The following HERC4 variants were observed in gnomAD, a reference collection of about 807,000 sequenced individuals.
HERC4 encodes probable E3 ubiquitin-protein ligase HERC4.
Under a neutral mutation model 124.3 loss-of-function variants are expected in HERC4, and 28 were observed. That is an observed-to-expected ratio of 0.23 (90% CI 0.17 to 0.31). HERC4 has a LOEUF of 0.31. Ranked by LOEUF, HERC4 falls within the 10% of genes least tolerant of loss-of-function variation. The pLI, the probability that HERC4 is intolerant of heterozygous loss-of-function variation, is 1.00. For missense variants in HERC4, 713 were observed against 1,229.3 expected (o/e 0.58, Z 6.28); for synonymous variants, 407 against 421.5 (o/e 0.97, Z 0.42).
chr10:67,939,363 GT>G (rs1168624489), intron 21 of HERC4, among the ~76,000 whole-genome samples: 1 of 152,172 alleles, frequency 6.6e-6, no homozygotes, highest in Non-Finnish European at 1.5e-5. Flanking sequence ...TGTTTTCAGT[GT>G]TCTTCATCTG....
At chr10:67,983,799 A>AT (rs1390692763) in intron 15 of HERC4, among the ~76,000 whole-genome samples, 7 of 149,558 alleles carry the variant, frequency 4.7e-5, no homozygotes, top group Non-Finnish European at 8.9e-5. Context: ...AAAAAAAAAA[A>AT]AAAAAATACA....
chr10:67,932,399 A>G (rs1338931142), intron 23 of HERC4, among the ~76,000 whole-genome samples, 198 bp downstream of exon 23: 1 of 152,214 alleles, frequency 6.6e-6, no homozygotes, highest in South Asian at 2.1e-4. Context: ...TGAGTTTTCT[A>G]TATCAATACC....
intron 3 of HERC4, among the ~76,000 whole-genome samples, chr10:68,060,434 T>C (rs1456518170): frequency 6.6e-6 from 1 of 151,952 alleles, no homozygotes; most frequent in Non-Finnish European, 1.5e-5. Context: ...AGAGATGGAG[T>C]TTCACCATGT....
chr10:68,004,038 C>T (rs1366076416), intron 9 of HERC4, among the ~76,000 whole-genome samples: 3 of 152,116 alleles, frequency 2.0e-5, no homozygotes. Flanking sequence ...AGATAAAAGC[C>T]ATTTTAACCA....
chr10:67,953,263 T>C (rs1564951651), intron 19 of HERC4, among the ~76,000 whole-genome samples: 1 of 152,246 alleles, frequency 6.6e-6, no homozygotes, highest in Non-Finnish European at 1.5e-5. Context: ...TAAATGAGTA[T>C]TCACTTGGTG....
chr10:68,052,832 G>A (rs1044929609), intron 3 of HERC4, among the ~76,000 whole-genome samples: 1 of 152,026 alleles, frequency 6.6e-6, no homozygotes, highest in African/African-American at 2.4e-5. Context: ...TCTTCTCTTT[G>A]CCATTATGAA....
intron 21 of HERC4, among the ~76,000 whole-genome samples, chr10:67,936,750 T>A (rs535440360): frequency 6.6e-6 from 1 of 152,290 alleles, no homozygotes; most frequent in East Asian, 1.9e-4. Flanking sequence ...CTTCTGGAAT[T>A]TTTCTAAAAA....
intron 4 of HERC4, chr10:68,040,179 T>G: frequency 2.0e-6 from 2 of 982,434 alleles, no homozygotes; most frequent in Non-Finnish European, 2.4e-6. Flanking sequence ...TTTCTAAATT[T>G]GCATAGCAAT....
At chr10:67,927,389 TA>T (rs2031116038) in intron 23 of HERC4, among the ~76,000 whole-genome samples, 19 of 7,410 alleles carry the variant, frequency 2.6e-3, no homozygotes, top group Non-Finnish European at 3.4e-3. Context: ...CATATATATA[TA>T]TATATATATA....
chr10:68,045,355 A>C (rs1302842931), intron 3 of HERC4, among the ~76,000 whole-genome samples: 3 of 152,198 alleles, frequency 2.0e-5, no homozygotes, highest in African/African-American at 7.2e-5. Flanking sequence ...TAAGGAAATA[A>C]TCTGAATTAG....
intron 15 of HERC4, among the ~76,000 whole-genome samples, chr10:67,982,556 T>C (rs1209980471): frequency 2.0e-5 from 3 of 152,262 alleles, no homozygotes; most frequent in East Asian, 1.9e-4. Flanking sequence ...CTCCAGGACA[T>C]TGGTCTGGGC....
intron 9 of HERC4, chr10:67,996,103 C>T (rs1313957063): frequency 6.8e-6 from 3 of 441,548 alleles, no homozygotes; most frequent in South Asian, 1.6e-5. Flanking sequence ...CCCAGGAGTT[C>T]AAGACCAGCC....
intron 8 of HERC4, among the ~76,000 whole-genome samples, 174 bp from the exon 9 acceptor site, chr10:68,014,360 T>C (rs1242029290): frequency 6.6e-6 from 1 of 152,242 alleles, no homozygotes; most frequent in African/African-American, 2.4e-5. Context: ...ATCTATAGAA[T>C]GAATTCTGCA....
At chr10:68,035,069 T>C (rs554372291) in intron 5 of HERC4, among the ~76,000 whole-genome samples, 10 of 152,220 alleles carry the variant, frequency 6.6e-5, no homozygotes, top group African/African-American at 2.4e-4. Context: ...TTTTTTTAAG[T>C]TGAAACAACA....
intron 4 of HERC4, chr10:68,038,419 C>T (rs551202420): frequency 3.2e-6 from 1 of 317,414 alleles, no homozygotes; most frequent in East Asian, 5.6e-5. Flanking sequence ...GCAAAGTGAG[C>T]TATACTCATA....
rs570121388 is a variant in HERC4 at position 68,059,519 on chromosome 10, CATAATA to C, written c.226+13358_226+13363del. 2.3e-4 allele frequency among the ~76,000 whole-genome samples: 17 copies of C among 72,914 alleles called. 1 individual carries two copies. The highest frequency in any genetic ancestry group is 9.8e-4 in the East Asian group (2 of 2,036). 47.8% of individuals were successfully genotyped at this position (72,914 alleles called of 152,430 possible). ...CATTATATATTATAATATTATATATCATAATAATATTATATATCATATTATATATCA... is the reference window on the plus strand; with the variant it reads ...CATTATATATTATAATATTATATATCATATTATATATCATATTATATATCA... On this transcript the variant is annotated intron_variant, in intron 3 of 24. Transcript: ENST00000373700.
intron 19 of HERC4, among the ~76,000 whole-genome samples, chr10:67,951,646 T>C (rs1227789898): frequency 6.6e-6 from 1 of 152,196 alleles, no homozygotes; most frequent in Non-Finnish European, 1.5e-5. Flanking sequence ...ATGGTGTCAC[T>C]TTTCAATCCT....
chr10:67,955,200 C>A, intron 17 of HERC4, 70 bp from the exon 18 acceptor site: 1 of 1,339,820 alleles, frequency 7.5e-7, no homozygotes, highest in Non-Finnish European at 1.0e-6. Flanking sequence ...AACAAGCTAA[C>A]CTCTACCTAT....
intron 19 of HERC4, among the ~76,000 whole-genome samples, chr10:67,946,855 C>T (rs2033402780): frequency 6.6e-6 from 1 of 152,022 alleles, no homozygotes; most frequent in South Asian, 2.1e-4. Context: ...TGCATTGAGT[C>T]AAGATTGAGC....
Sources: gnomAD v4.1 joint callset for allele counts (sites outside exome capture counted in the v4.1 genomes callset) on GRCh38, gnomAD v4.1.1 for gene constraint, MANE v1.5 for transcripts, NCBI Gene and HGNC (gene_info 2026-07-23, HGNC 2026-07-21) for gene names.